TRANK1: variants seen among roughly 807,000 people sequenced by gnomAD.
The protein encoded by TRANK1 is tetratricopeptide repeat and ankyrin repeat containing 1, also known as TPR and ankyrin repeat-containing protein 1.
A neutral mutation model predicts 266.0 loss-of-function variants in TRANK1; 198 were observed. The ratio of observed to expected loss-of-function variants is 0.74; its 90% CI spans 0.66 to 0.84. TRANK1 has a LOEUF of 0.84. Ranked by LOEUF, TRANK1 falls within the 40% of genes least tolerant of loss-of-function variation. The probability of loss-of-function intolerance (pLI) is 0.00; values close to 1 mark genes in which losing one functional copy is unlikely to be tolerated. For synonymous variants in TRANK1, 1,396 were observed against 1,384.1 expected, an observed-to-expected ratio of 1.01 and a Z score of -0.19; for missense variants, 3,326 against 3,634.6, an observed-to-expected ratio of 0.92 and a Z score of 2.18.
chr3:36,828,555 T>C (rs1302142464), intron 23 of TRANK1, among the ~76,000 whole-genome samples, 180 bp from the exon 24 acceptor site: 2 of 152,138 alleles, frequency 1.3e-5, no homozygotes, highest in Non-Finnish European at 2.9e-5. Flanking sequence ...TAAAACCTAG[T>C]GTCTCCGTAA....
rs572620672 is a variant in TRANK1, at chr3:36,941,865, C to T, written c.23+2922G>A. On this transcript the variant is annotated intron_variant, in intron 1 of 23. Coordinates refer to ENST00000645898, the MANE Select transcript of TRANK1 (RefSeq NM_001329998.2). The stretch of plus-strand genomic sequence containing the variant: ...ACTCCAAGGAAATTTGTTTTAAAAG[C>T]AATGAGCCTGCGGTCACTCTGAGGG... 2.0e-5 allele frequency among the ~76,000 whole-genome samples: 3 copies of T among 152,294 alleles called. No individual in the cohort carries two copies. The South Asian group carries it at 6.2e-4, about 32-fold the overall frequency.
rs1281265825 is a variant in TRANK1, at chr3:36,826,932, C to T, written c.*1343G>A. On this transcript the variant is annotated 3_prime_UTR_variant, in exon 24 of 24. Transcript: ENST00000645898. ...AAACACCTGGAATAAAAATTAGAAA[C>T]ATAATCTAAGAAAAATTGGAAACAA... is the stretch of plus-strand genomic sequence containing the variant. 1 of 151,532 alleles carries T rather than the reference C, an allele frequency of 6.6e-6. No homozygotes were observed. Among genetic ancestry groups the T allele is most frequent in the Admixed American group, 6.6e-5 (1 of 15,234 alleles). The allele number at this position is 151,532 out of a possible 1,614,324, so 9.4% of individuals were successfully genotyped here.
chr3:36,833,685 G>T lies in TRANK1; in HGVS notation c.5898C>A (p.Ala1966=), dbSNP rs774704733. Residue 1966 remains alanine, a synonymous_variant, in exon 22 of 24, where the codon GCC becomes GCA. Transcript: ENST00000645898. ...GGCAGCCATGTTGCTTCATCAGCAG[G>T]GCAGCCTCTTCTCTCCTACCTTCCC... ...LNREGRREEA[A]LLMKQHGCLL... is the part of the protein sequence containing the mutation. 6.2e-7 allele frequency: 1 copy of T among 1,613,950 alleles called. No individual in the cohort carries two copies. Among genetic ancestry groups the T allele is most frequent in the South Asian group, 1.1e-5 (1 of 91,084 alleles).
At chr3:36,858,341 A>T (rs184581485) in intron 12 of TRANK1, among the ~76,000 whole-genome samples, 1 of 152,352 alleles carries the variant, frequency 6.6e-6, no homozygotes, top group Non-Finnish European at 1.5e-5. Flanking sequence ...CGCACAGAAC[A>T]GTGCCTTACA....
intron 8 of TRANK1, among the ~76,000 whole-genome samples, chr3:36,888,518 A>T (rs928217851): frequency 6.6e-6 from 1 of 152,184 alleles, no homozygotes; most frequent in African/African-American, 2.4e-5. Flanking sequence ...AAATCCATAG[A>T]CCCCTTCTCC....
At chr3:36,849,955 C>A (rs2078965172) in intron 15 of TRANK1, 1 of 905,722 alleles carries the variant, frequency 1.1e-6, no homozygotes, top group Admixed American at 6.2e-5. Context: ...ACTCCCTGAG[C>A]CATTGGTGGG....
intron 8 of TRANK1, among the ~76,000 whole-genome samples, chr3:36,877,744 C>CA (rs929314985): frequency 2.0e-5 from 3 of 152,000 alleles, no homozygotes; most frequent in Non-Finnish European, 4.4e-5. Flanking sequence ...GCAAGACTGA[C>CA]AAAAAAAGTT....
chr3:36,925,684 G>A (rs1051578264), intron 1 of TRANK1, among the ~76,000 whole-genome samples: 5 of 151,312 alleles, frequency 3.3e-5, no homozygotes, highest in African/African-American at 9.7e-5. Context: ...TCTGCCTCTC[G>A]GGTTCAAGCA....
chr3:36,908,984 G>T (rs946966410), intron 1 of TRANK1, among the ~76,000 whole-genome samples: 1 of 152,182 alleles, frequency 6.6e-6, no homozygotes, highest in Admixed American at 6.5e-5. Context: ...AAACTCAGCT[G>T]ATAGTACTTC....
In TRANK1 at chr3:36,855,312, G is replaced by A; in HGVS notation, c.4410C>T (p.Ile1470=). The A allele has an allele frequency of 6.2e-7, 1 of 1,614,068 alleles. No individual in the cohort carries two copies. Among genetic ancestry groups the A allele is most frequent in the South Asian group, 1.1e-5 (1 of 91,090 alleles). ...TGAAGCGGAAGGCCACGCCCTTCAT[G>A]ATGCTCTGGGCCGTGTCCCCCGTGA... ...MFLTGDTAQS[I]MKGVAFRFSD... is the part of the protein sequence containing the mutation. Residue 1470 remains isoleucine (I), a synonymous_variant, in exon 13 of 24, where the codon ATC becomes ATT. Transcript: ENST00000645898.
At position 36,830,943 on chromosome 3, in the gene TRANK1, C is replaced by T. The variant is rs780680033; in HGVS notation, c.8640G>A (p.Lys2880=). The change falls in exon 22 of 24, where the codon AAG becomes AAA. Residue 2880 remains lysine (K), a synonymous_variant. Coordinates refer to ENST00000645898, the MANE Select transcript of TRANK1 (RefSeq NM_001329998.2). Reference sequence around the variant, plus strand: ...AAACCCTCTTGATGTGCTCCTGGACCTTCTGCAGCATGTGGCTGTGCTCCT... The same window carrying T: ...AAACCCTCTTGATGTGCTCCTGGACTTTCTGCAGCATGTGGCTGTGCTCCT... ...GSKEHSHMLQ[K]VQEHIKRVSD... 1.2e-5 allele frequency: 19 copies of T among 1,613,868 alleles called. No homozygotes were observed. Among genetic ancestry groups the T allele is most frequent in the African/African-American group, 6.7e-5 (5 of 74,918 alleles).
intron 8 of TRANK1, among the ~76,000 whole-genome samples, chr3:36,887,500 A>G (rs2079624186): frequency 6.6e-6 from 1 of 152,256 alleles, no homozygotes; most frequent in African/African-American, 2.4e-5. Flanking sequence ...GCATGACATC[A>G]CATTGGTACC....
intron 15 of TRANK1, 85 bp downstream of exon 15, chr3:36,851,634 C>G: frequency 1.4e-6 from 2 of 1,473,786 alleles, no homozygotes; most frequent in Non-Finnish European, 1.8e-6. Flanking sequence ...ACTCTCTTAC[C>G]CTCAACTCCA....
chr3:36,873,663 G>A (rs1470776496), intron 9 of TRANK1, among the ~76,000 whole-genome samples: 1 of 152,050 alleles, frequency 6.6e-6, no homozygotes, highest in Non-Finnish European at 1.5e-5. Flanking sequence ...CCAACAAATA[G>A]GACTGACACA....
chr3:36,880,107 CAT>C lies in TRANK1; in HGVS notation c.908-5813_908-5812del, dbSNP rs562777730. On this transcript the variant is annotated intron_variant, in intron 8 of 23. Transcript: ENST00000645898. ...ATAAACATATATAAATATATATAAA[CAT>C]ATATAAATATATATAAACATATAAA... 29 of 70,478 alleles carry C rather than the reference CAT, an allele frequency of 4.1e-4. 10 individuals carry two copies. The South Asian group carries it at 6.1e-3, about 15-fold the overall frequency. 4.4% of individuals were successfully genotyped at this position (70,478 alleles called of 1,614,324 possible).
chr3:36,926,232 C>T (rs1170585023), intron 1 of TRANK1, among the ~76,000 whole-genome samples: 1 of 152,024 alleles, frequency 6.6e-6, no homozygotes, highest in African/African-American at 2.4e-5. Context: ...TGTTTTTATT[C>T]GTCTATCATG....
At chr3:36,850,539 C>T in intron 15 of TRANK1, 2 of 978,510 alleles carry the variant, frequency 2.0e-6, no homozygotes, top group Non-Finnish European at 2.4e-6. Context: ...GAGGCCAAGG[C>T]AGGAAGATTA....
At chr3:36,919,930 T>C (rs1463880392) in intron 1 of TRANK1, among the ~76,000 whole-genome samples, 1 of 152,222 alleles carries the variant, frequency 6.6e-6, no homozygotes, top group East Asian at 1.9e-4. Flanking sequence ...GAGTTGTTTG[T>C]TTTGTTTTTA....
chr3:36,865,952 G>GAC (rs2079211769), intron 9 of TRANK1, among the ~76,000 whole-genome samples: 1 of 150,394 alleles, frequency 6.6e-6, no homozygotes, highest in South Asian at 2.1e-4. Context: ...GAGAGAGAGA[G>GAC]AGAGACAGAG....
Sources: allele counts gnomAD v4.1 joint callset (sites outside exome capture counted in the v4.1 genomes callset), GRCh38; gene constraint gnomAD v4.1.1; transcripts MANE v1.5; gene names NCBI Gene and HGNC (gene_info 2026-07-23, HGNC 2026-07-21).